Variants in TRMT13 observed in about 807,000 individuals in gnomAD.
The protein encoded by TRMT13 is tRNA:m(4)X modification enzyme TRM13 homolog.
Under a neutral mutation model 55.9 loss-of-function variants are expected in TRMT13, and 45 were observed. The ratio of observed to expected loss-of-function variants is 0.80; its 90% CI spans 0.63 to 1.03. The LOEUF is 1.03. Ranked by LOEUF, TRMT13 falls within the 50% of genes least tolerant of loss-of-function variation. TRMT13 has a pLI of 0.00. For synonymous variants in TRMT13, 183 were observed against 196.3 expected (o/e 0.93, Z 0.57); for missense variants, 513 against 563.9 (o/e 0.91, Z 0.91).
intron 1 of TRMT13, 33 bp from the exon 2 acceptor site, chr1:100,136,849 T>G (rs761788310): frequency 1.3e-6 from 2 of 1,526,232 alleles, no homozygotes; most frequent in South Asian, 2.5e-5. Flanking sequence ...ACTTGATATT[T>G]TATTTAAATA....
chr1:100,143,069 C>A, intron 7 of TRMT13, 68 bp from the exon 8 acceptor site: 1 of 1,072,142 alleles, frequency 9.3e-7, no homozygotes, highest in Non-Finnish European at 1.4e-6. Flanking sequence ...CAATAAAAAT[C>A]TTTTTATTTT....
chr1:100,142,830 A>T lies in TRMT13; in HGVS notation c.670-307A>T, dbSNP rs1570742160. The T allele has an allele frequency of 2.3e-5, 7 of 306,586 alleles. No homozygotes were observed. The South Asian group carries it at 3.1e-4, about 13-fold the overall frequency. The allele number at this position is 306,586 out of a possible 1,614,324, so 19.0% of individuals were successfully genotyped here. ...CCAAAAATAGTACACCAGGAGTGAC[A>T]AAGATAAAGGAGCTAGTAGACAATC... On this transcript the variant is annotated intron_variant, in intron 7 of 10. Transcript: ENST00000370141.
intron 10 of TRMT13, 95 bp downstream of exon 10, chr1:100,148,421 A>G: frequency 7.7e-7 from 1 of 1,301,490 alleles, no homozygotes; most frequent in South Asian, 1.5e-5. Flanking sequence ...ATGAAAATGT[A>G]TTTTATAATC....
intron 1 of TRMT13, among the ~76,000 whole-genome samples, chr1:100,136,543 C>T (rs1409959182): frequency 6.6e-6 from 1 of 152,068 alleles, no homozygotes; most frequent in Non-Finnish European, 1.5e-5. Flanking sequence ...ATGAAATAGG[C>T]AGCATTTTTT....
At chr1:100,146,538 C>T (rs1432344241) in intron 9 of TRMT13, among the ~76,000 whole-genome samples, 2 of 152,004 alleles carry the variant, frequency 1.3e-5, no homozygotes, top group Admixed American at 6.6e-5. Context: ...CGGAGTCTCG[C>T]TCTGTCGCCC....
Position 100,150,246 on chromosome 1 carries a change from AC to A in TRMT13, c.*1427del, listed in dbSNP as rs1657847535. On this transcript the variant is annotated 3_prime_UTR_variant, in exon 11 of 11. Coordinates refer to ENST00000370141, the MANE Select transcript of TRMT13 (RefSeq NM_019083.3). ...TAGTAACTCGTGAATCTTTTTAATA[AC>A]ATAATAGGCTTTGATTTTATTATCT... is the stretch of plus-strand genomic sequence containing the variant. The A allele has an allele frequency of 1.3e-5, 2 of 152,222 alleles. No homozygotes were observed. Among genetic ancestry groups the A allele is most frequent in the African/African-American group, 4.8e-5 (2 of 41,466 alleles). 9.4% of individuals were successfully genotyped at this position (152,222 alleles called of 1,614,324 possible). A position where few individuals can be genotyped will look rare whatever the true frequency, so the allele number is the denominator to read the frequency against.
intron 9 of TRMT13, among the ~76,000 whole-genome samples, chr1:100,146,680 A>G (rs1436824334): frequency 1.3e-5 from 2 of 151,982 alleles, no homozygotes; most frequent in African/African-American, 4.8e-5. Flanking sequence ...TAATTTTTGT[A>G]TTTTTAGTAG....
chr1:100,136,950 G>T lies in TRMT13; in HGVS notation c.194+22G>T, dbSNP rs560356422. On this transcript the variant is annotated intron_variant, in intron 2 of 10. Coordinates refer to ENST00000370141, the MANE Select transcript of TRMT13 (RefSeq NM_019083.3). ...AACAGTAAGTGTGGATCAGATACGG[G>T]TTTTTTTTTGTGCTGGAAACAGTAA... 3.0e-5 allele frequency: 47 copies of T among 1,577,948 alleles called. No individual in the cohort carries two copies. The African/African-American group carries it at 5.7e-4, about 19-fold the overall frequency.
In TRMT13 at chr1:100,150,465, A is replaced by C. The variant is rs2101756797; in HGVS notation, c.*1645A>C. ...TTTGTTTTGCATCATTCAACAATTT[A>C]TGCCCAGAAATAAACAATATTCTAC... On this transcript the variant is annotated 3_prime_UTR_variant, in exon 11 of 11. Coordinates refer to ENST00000370141, the MANE Select transcript of TRMT13 (RefSeq NM_019083.3). 1 of 152,346 alleles carries C rather than the reference A, an allele frequency of 6.6e-6. No homozygotes were observed. The highest frequency in any genetic ancestry group is 2.1e-4 in the South Asian group (1 of 4,828). The allele number at this position is 152,346 out of a possible 1,614,324, so 9.4% of individuals were successfully genotyped here.
In TRMT13 at chr1:100,147,994, A is replaced by G; in HGVS notation, c.918A>G (p.Lys306=). The change falls in exon 10 of 11, where the codon AAA becomes AAG. Residue 306 remains lysine (K), a synonymous_variant. Coordinates refer to ENST00000370141, the MANE Select transcript of TRMT13 (RefSeq NM_019083.3). ...AKRIKNDKTE[K]EIYTLAKEGN... The stretch of plus-strand genomic sequence containing the variant: ...GCATAAAGAATGATAAAACAGAAAA[A>G]GAAATTTACACTTTGGCCAAGGAAG... 6.2e-7 allele frequency: 1 copy of G among 1,614,172 alleles called. No individual in the cohort carries two copies. Among genetic ancestry groups the G allele is most frequent in the Non-Finnish European group, 8.5e-7 (1 of 1,180,028 alleles).
Position 100,144,124 on chromosome 1 carries a change from T to A in TRMT13, c.798T>A (p.His266Gln), listed in dbSNP as rs774917038. Reference sequence around the variant, plus strand: ...TACCTGTGGTAGGAATTGGAAAGCATCTGTGTGGTATGGCAACAGGTACGT... The same window carrying A: ...TACCTGTGGTAGGAATTGGAAAGCAACTGTGTGGTATGGCAACAGGTACGT... ...EKLPVVGIGK[H>Q]LCGMATDLAL... is the part of the protein sequence containing the mutation. The change falls in exon 9 of 11, where the codon CAT becomes CAA. Residue 266 changes from histidine (H) to glutamine (Q), a missense_variant. Physicochemically the swap from His to Gln is conservative, Grantham distance 24 (BLOSUM62 0). This residue lies in a region of TRMT13 where 209 missense variants were observed against 255.8 expected (regional missense o/e 0.82). Coordinates refer to ENST00000370141, the MANE Select transcript of TRMT13 (RefSeq NM_019083.3). 1.9e-6 allele frequency: 3 copies of A among 1,613,504 alleles called. No homozygotes were observed. The highest frequency in any genetic ancestry group is 2.5e-6 in the Non-Finnish European group (3 of 1,179,518).
At position 100,149,148 on chromosome 1, in the gene TRMT13, T is replaced by A; in HGVS notation, c.*328T>A. On this transcript the variant is annotated 3_prime_UTR_variant, in exon 11 of 11. Coordinates refer to ENST00000370141, the MANE Select transcript of TRMT13 (RefSeq NM_019083.3). The stretch of plus-strand genomic sequence containing the variant: ...CATAATTAGCGTATTTCTGTTTGTA[T>A]TAATTTTGGAAATTTATCTTCCTTT... 1 of 1,563,878 alleles carries A rather than the reference T, an allele frequency of 6.4e-7. No homozygotes were observed.
chr1:100,144,348 G>A, intron 9 of TRMT13: 1 of 473,454 alleles, frequency 2.1e-6, no homozygotes, highest in Non-Finnish European at 3.8e-6. Context: ...TGAATTAAGA[G>A]TTTTGTATGT....
At chr1:100,139,935 G>T (rs559369905) in intron 4 of TRMT13, among the ~76,000 whole-genome samples, 1 of 152,266 alleles carries the variant, frequency 6.6e-6, no homozygotes, top group Admixed American at 6.5e-5. Context: ...TTTGATTCTT[G>T]AACCCTTCTG....
chr1:100,149,321 C>A lies in TRMT13; in HGVS notation c.*501C>A. 1 of 1,539,610 alleles carries A rather than the reference C, an allele frequency of 6.5e-7. No individual in the cohort carries two copies. The highest frequency in any genetic ancestry group is 1.2e-5 in the South Asian group (1 of 80,218). On this transcript the variant is annotated 3_prime_UTR_variant, in exon 11 of 11. Transcript: ENST00000370141. ...GTGATTTTCTCAAATGCAGACAATT[C>A]AGAGATATTCACAATTAATAAACAC...
At position 100,149,120 on chromosome 1, in the gene TRMT13, A is replaced by G. The variant is rs1049278075; in HGVS notation, c.*300A>G. ...GATCTGAAACATACATAACATGTCA[A>G]CACATAATTAGCGTATTTCTGTTTG... is the stretch of plus-strand genomic sequence containing the variant. On this transcript the variant is annotated 3_prime_UTR_variant, in exon 11 of 11. Coordinates refer to ENST00000370141, the MANE Select transcript of TRMT13 (RefSeq NM_019083.3). 8 of 1,584,428 alleles carry G rather than the reference A, an allele frequency of 5.0e-6. No homozygotes were observed. In the Admixed American group the frequency reaches 5.8e-5, roughly 12 times the overall value.
At chr1:100,134,219 T>C (rs984828495) in intron 1 of TRMT13, among the ~76,000 whole-genome samples, 8 of 151,936 alleles carry the variant, frequency 5.3e-5, no homozygotes, top group African/African-American at 1.9e-4. Context: ...TGCATATAAA[T>C]GTACTATCAA....
At position 100,148,686 on chromosome 1, in the gene TRMT13, G is replaced by A. The variant is rs750442726; in HGVS notation, c.1312G>A (p.Gly438Ser). 6.2e-7 allele frequency: 1 copy of A among 1,613,186 alleles called. No homozygotes were observed. Among genetic ancestry groups the A allele is most frequent in the East Asian group, 2.2e-5 (1 of 44,752 alleles). ...TCTTTGTAAATTGCTGATTGACCAA[G>A]GTCGAATCCAGTATTTGCAGCAGAA... is the stretch of plus-strand genomic sequence containing the variant. ...GHLCKLLIDQ[G>S]RIQYLQQKGF... The change falls in exon 11 of 11, where the codon GGT becomes AGT. Residue 438 changes from glycine to serine, a missense_variant. Transcript: ENST00000370141.
rs1158258387 is a variant in TRMT13 at position 100,140,514 on chromosome 1, G to A, written c.501G>A (p.Gln167=). The A allele has an allele frequency of 3.7e-6, 6 of 1,605,812 alleles. No individual in the cohort carries two copies. The highest frequency in any genetic ancestry group is 5.1e-6 in the Non-Finnish European group (6 of 1,172,644). The change falls in exon 6 of 11, where the codon CAG becomes CAA. Residue 167 remains glutamine, a splice_region_variant and synonymous_variant. Coordinates refer to ENST00000370141, the MANE Select transcript of TRMT13 (RefSeq NM_019083.3). ...GDSATKHLKQ[Q]ASILGNIENL... is the part of the protein sequence containing the mutation. ...CTGCAACCAAGCACCTGAAACAGCAGGTATGTTTAGGCTATAGTAACTACT... is the reference window on the plus strand; with the variant it reads ...CTGCAACCAAGCACCTGAAACAGCAAGTATGTTTAGGCTATAGTAACTACT...
Sources: gnomAD v4.1 joint callset for allele counts (sites outside exome capture counted in the v4.1 genomes callset) on GRCh38, gnomAD v4.1.1 for gene constraint, gnomAD v4.1.1 regional missense constraint, MANE v1.5 for transcripts, NCBI Gene and HGNC (gene_info 2026-07-23, HGNC 2026-07-21) for gene names.